Variants in NAA20 observed in about 807,000 individuals in gnomAD.
NAA20 encodes N-alpha-acetyltransferase 20.
Under a neutral mutation model 23.8 loss-of-function variants are expected in NAA20, and 24 were observed. That is an observed-to-expected ratio of 1.01 (90% CI 0.73 to 1.42). The LOEUF is 1.42. Among genes scored for constraint, NAA20 ranks in the 40% most tolerant of loss-of-function variants. The pLI is 0.00. For missense variants in NAA20, 166 were observed against 223.1 expected, an observed-to-expected ratio of 0.74 and a Z score of 1.63; for synonymous variants, 83 against 77.7, an observed-to-expected ratio of 1.07 and a Z score of -0.36.
At chr20:20,020,859 A>G (rs1418830010) in intron 1 of NAA20, among the ~76,000 whole-genome samples, 1 of 152,176 alleles carries the variant, frequency 6.6e-6, no homozygotes, top group Non-Finnish European at 1.5e-5. Flanking sequence ...CTCAGTGCAC[A>G]TCATATTTGT....
At chr20:20,018,010 C>T (rs755543439) in intron 1 of NAA20, 3 of 1,614,060 alleles carry the variant, frequency 1.9e-6, no homozygotes, top group Non-Finnish European at 2.5e-6. Flanking sequence ...CTGATCACTG[C>T]GTCCCCTGCA....
chr20:20,023,351 C>G (rs1261494135), intron 2 of NAA20, among the ~76,000 whole-genome samples: 1 of 151,946 alleles, frequency 6.6e-6, no homozygotes, highest in Non-Finnish European at 1.5e-5. Context: ...TGGGAAATGC[C>G]ACACAGGCCC....
intron 3 of NAA20, 139 bp from the exon 4 acceptor site, chr20:20,026,645 T>G: frequency 1.1e-6 from 1 of 878,782 alleles, no homozygotes; most frequent in Non-Finnish European, 1.7e-6. Context: ...GCACTAACTG[T>G]TAGCTGGATG....
At chr20:20,029,256 A>G (rs993282813) in intron 4 of NAA20, among the ~76,000 whole-genome samples, 2 of 152,224 alleles carry the variant, frequency 1.3e-5, no homozygotes, top group African/African-American at 4.8e-5. Context: ...TATTAATAAT[A>G]GTTATAGTTG....
chr20:20,025,055 A>C (rs1203402375), intron 2 of NAA20, among the ~76,000 whole-genome samples: 2 of 152,244 alleles, frequency 1.3e-5, no homozygotes, highest in African/African-American at 4.8e-5. Flanking sequence ...TGAGCAAATT[A>C]TTCAGGCATT....
chr20:20,030,017 C>T (rs539729012), intron 4 of NAA20, among the ~76,000 whole-genome samples: 1 of 152,136 alleles, frequency 6.6e-6, no homozygotes, highest in East Asian at 1.9e-4. Flanking sequence ...AATCTTTTCA[C>T]GAAGAAAGCT....
chr20:20,021,811 G>A (rs1183712046), intron 1 of NAA20, among the ~76,000 whole-genome samples: 2 of 152,228 alleles, frequency 1.3e-5, no homozygotes, highest in Non-Finnish European at 2.9e-5. Flanking sequence ...GACTAGGGAA[G>A]TGAGGGGATG....
chr20:20,032,647 G>A lies in NAA20; in HGVS notation c.445G>A (p.Ala149Thr). 1.9e-6 allele frequency: 3 copies of A among 1,595,844 alleles called. No homozygotes were observed. Among genetic ancestry groups the A allele is most frequent in the Non-Finnish European group, 1.7e-6 (2 of 1,172,738 alleles). ...CAGCAACGGGGAGCCTGATGAGGAC[G>A]CTTATGGTAAGCTCCCTTCCATGGC... ...SASNGEPDED[A>T]YDMRKALSRD... The change falls in exon 5 of 6, where the codon GCT (alanine) becomes ACT (threonine). Residue 149 changes from alanine to threonine, a missense_variant. Coordinates refer to ENST00000334982, the MANE Select transcript of NAA20 (RefSeq NM_016100.5).
chr20:20,029,477 T>C (rs1395067774), intron 4 of NAA20, among the ~76,000 whole-genome samples: 1 of 151,700 alleles, frequency 6.6e-6, no homozygotes, highest in African/African-American at 2.4e-5. Flanking sequence ...ATTAGCCGGG[T>C]GTGGTAGCAC....
At chr20:20,017,829 T>C (rs1601121429) in intron 1 of NAA20, 4 of 1,503,406 alleles carry the variant, frequency 2.7e-6, no homozygotes, top group Non-Finnish European at 3.6e-6. Context: ...CCTGCCCTAC[T>C]GCTTGCTGGT....
At chr20:20,024,750 G>A (rs1407456147) in intron 2 of NAA20, among the ~76,000 whole-genome samples, 5 of 152,174 alleles carry the variant, frequency 3.3e-5, no homozygotes, top group Non-Finnish European at 7.4e-5. Flanking sequence ...GTCAGTGGCT[G>A]GCTGGCAGGA....
intron 4 of NAA20, among the ~76,000 whole-genome samples, chr20:20,031,717 T>C (rs1019933572): frequency 6.6e-6 from 1 of 152,174 alleles, no homozygotes; most frequent in African/African-American, 2.4e-5. Flanking sequence ...GGAAAAATTG[T>C]ATGAAAGATT....
intron 4 of NAA20, among the ~76,000 whole-genome samples, chr20:20,027,280 C>T (rs548597132): frequency 2.4e-4 from 36 of 152,190 alleles, no homozygotes; most frequent in African/African-American, 8.7e-4. Context: ...CAGTGCTCCT[C>T]GGCCAAAAGA....
chr20:20,023,805 C>T (rs1026321960), intron 2 of NAA20, among the ~76,000 whole-genome samples: 1 of 152,180 alleles, frequency 6.6e-6, no homozygotes, highest in African/African-American at 2.4e-5. Flanking sequence ...AAATGATAAA[C>T]CTCAGTGCTG....
chr20:20,023,225 A>AGAGGTTGCAGTGAGCC lies in NAA20; in HGVS notation c.78+765_78+780dup, dbSNP rs1336576638. ...TCGCTTGAACCAGGACCCGGGAGGCAGAGGTTGCAGTGAGCCGAGGTTGCA... is the reference window on the plus strand; with the variant it reads ...TCGCTTGAACCAGGACCCGGGAGGCAGAGGTTGCAGTGAGCCGAGGTTGCAGTGAGCCGAGGTTGCA... On this transcript the variant is annotated intron_variant, in intron 2 of 5. Transcript: ENST00000334982. 1.9e-3 allele frequency among the ~76,000 whole-genome samples: 292 copies of AGAGGTTGCAGTGAGCC among 151,544 alleles called. 2 individuals are homozygous for AGAGGTTGCAGTGAGCC. Among genetic ancestry groups the AGAGGTTGCAGTGAGCC allele is most frequent in the African/African-American group, 6.7e-3 (278 of 41,320 alleles).
intron 4 of NAA20, among the ~76,000 whole-genome samples, chr20:20,030,977 A>G (rs1435560637): frequency 6.6e-6 from 1 of 152,200 alleles, no homozygotes; most frequent in Non-Finnish European, 1.5e-5. Flanking sequence ...TTTTTGAGAG[A>G]TATTAAAGTA....
At chr20:20,031,643 A>C (rs886426377) in intron 4 of NAA20, among the ~76,000 whole-genome samples, 2 of 152,216 alleles carry the variant, frequency 1.3e-5, no homozygotes, top group African/African-American at 2.4e-5. Flanking sequence ...CACAAATTGG[A>C]AAAAGATACT....
At chr20:20,019,873 A>G (rs2043256085) in intron 1 of NAA20, among the ~76,000 whole-genome samples, 1 of 152,228 alleles carries the variant, frequency 6.6e-6, no homozygotes, top group African/African-American at 2.4e-5. Context: ...AGTGTGAGCC[A>G]CCACACCTGG....
chr20:20,017,492 T>TCGCTTCCCGGCCC (rs1232088154), intron 1 of NAA20, 43 bp downstream of exon 1: 8 of 1,550,510 alleles, frequency 5.2e-6, no homozygotes, highest in African/African-American at 1.4e-5. Context: ...TGGCCGGGCC[T>TCGCTTCCCGGCCC]CGCTTCCCGG....
Sources: allele counts gnomAD v4.1 joint callset (sites outside exome capture counted in the v4.1 genomes callset), GRCh38; gene constraint gnomAD v4.1.1; transcripts MANE v1.5; gene names NCBI Gene and HGNC (gene_info 2026-07-23, HGNC 2026-07-21).